TRPM3: variants seen among roughly 807,000 people sequenced by gnomAD.
TRPM3 encodes long transient receptor potential channel 3.
In TRPM3, 77 loss-of-function variants were observed where a neutral mutation model predicts 181.2. The ratio of observed to expected loss-of-function variants is 0.42; its 90% CI spans 0.35 to 0.51. The LOEUF (loss-of-function observed/expected upper bound fraction) is 0.51. TRPM3 is among the 20% of genes least tolerant of loss of function. TRPM3 has a pLI of 0.01. For synonymous variants in TRPM3, 745 were observed against 796.4 expected (o/e 0.94, Z 1.09); for missense variants, 1,759 against 2,196.7 (o/e 0.80, Z 3.98).
chr9:71,420,733 G>GAGAA (rs1565557083), intron 1 of TRPM3, among the ~76,000 whole-genome samples: 12 of 54,970 alleles, frequency 2.2e-4, no homozygotes, highest in Non-Finnish European at 4.8e-4. Context: ...GAGAGAGAGA[G>GAGAA]AGAAAGAGAG....
At chr9:71,261,830 G>A (rs1029407981) in intron 1 of TRPM3, among the ~76,000 whole-genome samples, 1 of 152,138 alleles carries the variant, frequency 6.6e-6, no homozygotes, top group South Asian at 2.1e-4. Flanking sequence ...ATCACCAGTG[G>A]AGGCTGCAAA....
rs71352362 is a variant in TRPM3, at chr9:71,232,491, C to CTT, written c.183+214160_183+214161dup. ...CGCACATGGAAATTGAATTCAGTGT[C>CTT]TTTTTTTTTTTTTTTTTTTTTTTTT... On this transcript the variant is annotated intron_variant, in intron 1 of 24. Transcript: ENST00000357533. Among the ~76,000 whole-genome samples the CTT allele has an allele frequency of 1.8e-3, 106 of 59,142 alleles. 21 individuals carry two copies. Among genetic ancestry groups the CTT allele is most frequent in the African/African-American group, 5.7e-3 (76 of 13,400 alleles). 38.8% of individuals were successfully genotyped at this position (59,142 alleles called of 152,430 possible). A position where few individuals can be genotyped will look rare whatever the true frequency, so the allele number is the denominator to read the frequency against.
At chr9:71,120,831 G>T (rs780115797) in intron 1 of TRPM3, among the ~76,000 whole-genome samples, 2 of 152,174 alleles carry the variant, frequency 1.3e-5, no homozygotes, top group African/African-American at 2.4e-5. Context: ...GGGAGTAAGA[G>T]ATTTCACTCC....
At chr9:71,288,588 G>T (rs2085503628) in intron 1 of TRPM3, among the ~76,000 whole-genome samples, 1 of 152,028 alleles carries the variant, frequency 6.6e-6, no homozygotes, top group African/African-American at 2.4e-5. Flanking sequence ...AAAAATGGTG[G>T]AACTTTTTAA....
At chr9:71,438,967 C>T (rs1333984161) in intron 1 of TRPM3, among the ~76,000 whole-genome samples, 1 of 152,138 alleles carries the variant, frequency 6.6e-6, no homozygotes, top group Non-Finnish European at 1.5e-5. Flanking sequence ...AATTTTATAA[C>T]TACAATCTAT....
chr9:70,923,340 G>A (rs767493072), intron 1 of TRPM3, among the ~76,000 whole-genome samples: 1 of 151,980 alleles, frequency 6.6e-6, no homozygotes, highest in Non-Finnish European at 1.5e-5. Context: ...TGGGATGATG[G>A]GAGGATATAT....
intron 1 of TRPM3, among the ~76,000 whole-genome samples, chr9:71,295,838 CAA>C (rs11383819): frequency 1.7e-4 from 15 of 86,646 alleles, no homozygotes; most frequent in African/African-American, 4.7e-4. Flanking sequence ...GATCCCGTCT[CAA>C]AAAAAAAAAA....
chr9:70,824,676 T>C (rs2093433859), intron 6 of TRPM3: 1 of 152,250 alleles, frequency 6.6e-6, no homozygotes, highest in African/African-American at 2.4e-5. Flanking sequence ...TCCACCTGCC[T>C]CGGCCTCCCA....
chr9:71,317,667 AT>A (rs1428513934), intron 1 of TRPM3, among the ~76,000 whole-genome samples: 5 of 74,848 alleles, frequency 6.7e-5, no homozygotes, highest in African/African-American at 1.4e-4. Flanking sequence ...AAAAGAAAAA[AT>A]ATATATATAT....
At chr9:71,166,636 T>C (rs2134751816) in intron 1 of TRPM3, among the ~76,000 whole-genome samples, 1 of 152,274 alleles carries the variant, frequency 6.6e-6, no homozygotes, top group African/African-American at 2.4e-5. Flanking sequence ...TTTAAAGCTG[T>C]GACTGAAGAA....
chr9:70,564,984 T>C (rs1010721470), intron 22 of TRPM3, among the ~76,000 whole-genome samples: 1 of 152,208 alleles, frequency 6.6e-6, no homozygotes, highest in Non-Finnish European at 1.5e-5. Flanking sequence ...GCCCTCTGGA[T>C]CCCAAGCTCT....
chr9:71,307,645 A>T (rs963859789), intron 1 of TRPM3, among the ~76,000 whole-genome samples: 1 of 152,164 alleles, frequency 6.6e-6, no homozygotes, highest in Non-Finnish European at 1.5e-5. Flanking sequence ...TTTTCTAATA[A>T]CACATGCATT....
intron 1 of TRPM3, among the ~76,000 whole-genome samples, chr9:71,247,928 G>A (rs530994753): frequency 6.6e-6 from 1 of 152,196 alleles, no homozygotes; most frequent in Non-Finnish European, 1.5e-5. Flanking sequence ...TAAAATAGGT[G>A]TAATAGTGAA....
At chr9:70,799,181 T>C (rs2088144793) in intron 6 of TRPM3, among the ~76,000 whole-genome samples, 1 of 152,334 alleles carries the variant, frequency 6.6e-6, no homozygotes, top group Non-Finnish European at 1.5e-5. Context: ...ACAGGAACTA[T>C]ATGACTGAAA....
chr9:71,129,739 G>T (rs1272780777), intron 1 of TRPM3, among the ~76,000 whole-genome samples: 1 of 152,054 alleles, frequency 6.6e-6, no homozygotes. Flanking sequence ...TATTTGCTCT[G>T]ACAAATCTGA....
At chr9:71,228,936 A>C (rs1225297740) in intron 1 of TRPM3, among the ~76,000 whole-genome samples, 1 of 152,148 alleles carries the variant, frequency 6.6e-6, no homozygotes, top group African/African-American at 2.4e-5. Context: ...AAAAATACCA[A>C]TGACATTCTT....
chr9:71,439,436 TG>T (rs1330887281), intron 1 of TRPM3, among the ~76,000 whole-genome samples: 11 of 152,206 alleles, frequency 7.2e-5, no homozygotes, highest in African/African-American at 1.9e-4. Context: ...TAAGTCATCC[TG>T]GGGGGCAGGT....
chr9:70,859,342 AT>A (rs141790084), intron 3 of TRPM3, among the ~76,000 whole-genome samples: 4,373 of 152,248 alleles, frequency 0.029, 88 homozygotes, highest in Middle Eastern at 0.058. Flanking sequence ...TGGAAGATCT[AT>A]CTGCTTCTTC....
At chr9:70,993,955 CA>C (rs1247781343) in intron 1 of TRPM3, among the ~76,000 whole-genome samples, 2 of 152,086 alleles carry the variant, frequency 1.3e-5, no homozygotes, top group Admixed American at 6.5e-5. Context: ...GTCCCAATGA[CA>C]TTCATGTCAC....
Sources: allele counts gnomAD v4.1 joint callset (sites outside exome capture counted in the v4.1 genomes callset), GRCh38; gene constraint gnomAD v4.1.1; transcripts MANE v1.5; gene names NCBI Gene and HGNC (gene_info 2026-07-23, HGNC 2026-07-21).